Variants in SLC26A1 observed in about 807,000 individuals in gnomAD.
SLC26A1 encodes solute carrier family 26 member 1.
A neutral mutation model predicts 14.5 loss-of-function variants in SLC26A1; 18 were observed. The observed-to-expected ratio is 1.24, with a 90% confidence interval of 0.86 to 1.84. SLC26A1 has a LOEUF of 1.84. SLC26A1 is among the 40% of genes most tolerant of loss of function. The probability of loss-of-function intolerance (pLI) is 0.00; values close to 1 mark genes in which losing one functional copy is unlikely to be tolerated. For missense variants in SLC26A1, 1,049 were observed against 1,020.0 expected, an observed-to-expected ratio of 1.03 and a Z score of -0.39; for synonymous variants, 505 against 492.0, an observed-to-expected ratio of 1.03 and a Z score of -0.35.
In SLC26A1 at chr4:989,615, G is replaced by A; in HGVS notation, c.1324C>T (p.Leu442=). ...AGGCTGACCACGATGACGCAGGCCA[G>A]CACGCTTCGCTGTAGGTCGTGGAAC... ...PLFHDLQRSV[L]ACVIVVSLRG... is the part of the protein sequence containing the mutation. Residue 442 remains leucine, a synonymous_variant, in exon 3 of 3, where the codon CTG becomes TTG. Transcript: ENST00000398516. 6.2e-7 allele frequency: 1 copy of A among 1,601,738 alleles called. No individual in the cohort carries two copies. The highest frequency in any genetic ancestry group is 8.5e-7 in the Non-Finnish European group (1 of 1,175,726).
rs779417668 is a variant in SLC26A1, at chr4:989,633, C to A, written c.1306G>T (p.Asp436Tyr). 2.5e-6 allele frequency: 4 copies of A among 1,597,356 alleles called. No homozygotes were observed. The highest frequency in any genetic ancestry group is 3.4e-6 in the Non-Finnish European group (4 of 1,173,486). ...CAGGCCAGCACGCTTCGCTGTAGGT[C>A]GTGGAACAGCGGTGCCAGCGCCAGC... Reference protein sequence around the residue: ...VLLALAPLFHDLQRSVLACVI... With the variant: ...VLLALAPLFHYLQRSVLACVI... The change falls in exon 3 of 3, where the codon GAC (aspartate) becomes TAC (tyrosine). Residue 436 changes from aspartate to tyrosine, a missense_variant. Physicochemically the swap from Asp to Tyr is radical, Grantham distance 160 (BLOSUM62 -3). Transcript: ENST00000398516.
chr4:979,436 T>A (rs1713472386), exon 3 of SLC26A1: 2 of 1,602,642 alleles, frequency 1.2e-6, no homozygotes, highest in East Asian at 4.5e-5. Flanking sequence ...CTTCCAGAAG[T>A]TCCTGCGAGT....
Position 989,173 on chromosome 4 carries a change from T to C in SLC26A1, c.1766A>G (p.Gln589Arg), listed in dbSNP as rs767912977. Residue 589 changes from glutamine (Q) to arginine (R), a missense_variant, in exon 3 of 3, where the codon CAG (glutamine) becomes CGG (arginine). Physicochemically the swap from Gln to Arg is conservative, Grantham distance 43. Coordinates refer to ENST00000398516, the MANE Select transcript of SLC26A1 (RefSeq NM_022042.4). ...GCTAACCGGGCCCAGGTCCTCGCCC[T>C]GGGCAGGGCCTCCCTCACCGACCCC... ...ETGVGEGGPA[Q>R]GEDLGPVSTR... 2 of 1,607,176 alleles carry C rather than the reference T, an allele frequency of 1.2e-6. No individual in the cohort carries two copies. Among genetic ancestry groups the C allele is most frequent in the Non-Finnish European group, 8.5e-7 (1 of 1,176,198 alleles).
chr4:987,956 G>T lies in SLC26A1; in HGVS notation c.*877C>A. 6.4e-7 allele frequency: 1 copy of T among 1,565,326 alleles called. No individual in the cohort carries two copies. Among genetic ancestry groups the T allele is most frequent in the Non-Finnish European group, 8.7e-7 (1 of 1,155,184 alleles). On this transcript the variant is annotated 3_prime_UTR_variant, in exon 3 of 3. Transcript: ENST00000398516. ...TGGAGCTTGTCACCACCAGGTGGGC[G>T]GCGGGCAGGGTCTGGGCGTCCCAGA...
rs1000704882 is a variant in SLC26A1 at position 988,146 on chromosome 4, G to A, written c.*687C>T. ...AGGGAGCCCCTGCATGGGGCACGGTGGGCTTCCTGCAGGTCTCCCTGCAGG... is the reference window on the plus strand; with the variant it reads ...AGGGAGCCCCTGCATGGGGCACGGTAGGCTTCCTGCAGGTCTCCCTGCAGG... On this transcript the variant is annotated 3_prime_UTR_variant, in exon 3 of 3. Transcript: ENST00000398516. 7 of 1,403,844 alleles carry A rather than the reference G, an allele frequency of 5.0e-6. No homozygotes were observed. The African/African-American group carries it at 8.7e-5, about 17-fold the overall frequency. 87.0% of individuals were successfully genotyped at this position (1,403,844 alleles called of 1,614,324 possible). A position where few individuals can be genotyped will look rare whatever the true frequency, so the allele number is the denominator to read the frequency against.
At chr4:979,261 G>A (rs925504805) in exon 3 of SLC26A1, 1 of 612,498 alleles carries the variant, frequency 1.6e-6, no homozygotes, top group African/African-American at 1.8e-5. Context: ...TCCTCTGCAG[G>A]CTGGCCAGGT....
chr4:989,020 A>G lies in SLC26A1; in HGVS notation c.1919T>C (p.Leu640Pro). 6.3e-7 allele frequency: 1 copy of G among 1,585,284 alleles called. No homozygotes were observed. Among genetic ancestry groups the G allele is most frequent in the Non-Finnish European group, 8.6e-7 (1 of 1,166,592 alleles). Residue 640 changes from leucine (L) to proline (P), a missense_variant, in exon 3 of 3, where the codon CTG becomes CCG. By Grantham distance (98) the Leu-to-Pro change is moderately conservative. Transcript: ENST00000398516. ...GCAGGCTAGCAGCAGGCTGATGCCC[A>G]GGGCCCCGTAGTCTCGGCGCAGGTC... ...LQDLRRDYGA[L>P]GISLLLACCS...
In SLC26A1 at chr4:989,953, G is replaced by T. The variant is rs1269131088; in HGVS notation, c.986C>A (p.Pro329His). The T allele has an allele frequency of 6.4e-7, 1 of 1,556,138 alleles. No individual in the cohort carries two copies. The stretch of plus-strand genomic sequence containing the variant: ...CAGCCTGGGCTCTGGGACCTGAGGG[G>T]GCATGAAACCCGTGGGGATGTCGCC... ...VAGDIPTGFM[P>H]PQVPEPRLMQ... Residue 329 changes from proline to histidine, a missense_variant, in exon 3 of 3, where the codon CCC becomes CAC. By Grantham distance (77) the Pro-to-His change is moderately conservative. Coordinates refer to ENST00000398516, the MANE Select transcript of SLC26A1 (RefSeq NM_022042.4).
Position 988,625 on chromosome 4 carries a change from G to C in SLC26A1, c.*208C>G. Reference sequence around the variant, plus strand: ...TGGGCCAGCCTGTCTCGGAGGCAGAGGTTCTTGATTTCTGAGTGTTTGGGT... The same window carrying C: ...TGGGCCAGCCTGTCTCGGAGGCAGACGTTCTTGATTTCTGAGTGTTTGGGT... On this transcript the variant is annotated 3_prime_UTR_variant, in exon 3 of 3. Coordinates refer to ENST00000398516, the MANE Select transcript of SLC26A1 (RefSeq NM_022042.4). 2.9e-6 allele frequency: 4 copies of C among 1,382,510 alleles called. No individual in the cohort carries two copies. The highest frequency in any genetic ancestry group is 3.7e-6 in the Non-Finnish European group (4 of 1,074,176). 85.6% of individuals were successfully genotyped at this position (1,382,510 alleles called of 1,614,324 possible). A position where few individuals can be genotyped will look rare whatever the true frequency, so the allele number is the denominator to read the frequency against.
downstream of SLC26A1, among the ~76,000 whole-genome samples, chr4:986,371 C>T (rs987874765): frequency 2.0e-4 from 30 of 152,172 alleles, no homozygotes; most frequent in Admixed American, 1.6e-3. Flanking sequence ...TGCTCAAGTA[C>T]TTGATATAAA....
In SLC26A1 at chr4:989,693, T is replaced by C. The variant is rs1212494075; in HGVS notation, c.1246A>G (p.Ser416Gly). ...AGCACCACGGTGGCGCTGACCACGC[T>C]GGACAGCTGTGTCCGGCAGCCAGTG... The part of the protein sequence containing the change: ...TATGCRTQLS[S>G]VVSATVVLLV... Residue 416 changes from serine to glycine, a missense_variant, in exon 3 of 3, where the codon AGC becomes GGC. Ser to Gly is a moderately conservative substitution (Grantham distance 56). Coordinates refer to ENST00000398516, the MANE Select transcript of SLC26A1 (RefSeq NM_022042.4). 1.9e-6 allele frequency: 3 copies of C among 1,562,270 alleles called. No individual in the cohort carries two copies. The highest frequency in any genetic ancestry group is 2.4e-5 in the South Asian group (2 of 85,076).
downstream of SLC26A1, among the ~76,000 whole-genome samples, chr4:985,859 T>C (rs905155269): frequency 1.4e-4 from 22 of 152,240 alleles, no homozygotes; most frequent in African/African-American, 5.3e-4. Context: ...CTAATTATCC[T>C]TCTCCCAACT....
rs1471991118 is a variant in SLC26A1 at position 988,795 on chromosome 4, C to T, written c.*38G>A. 3 of 1,503,510 alleles carry T rather than the reference C, an allele frequency of 2.0e-6. No individual in the cohort carries two copies. The highest frequency in any genetic ancestry group is 1.3e-5 in the South Asian group (1 of 75,680). 93.1% of individuals were successfully genotyped at this position (1,503,510 alleles called of 1,614,324 possible). On this transcript the variant is annotated 3_prime_UTR_variant, in exon 3 of 3. Coordinates refer to ENST00000398516, the MANE Select transcript of SLC26A1 (RefSeq NM_022042.4). ...CTTGCAGACGTCTGCTGTGGGTCCC[C>T]AGGAGGGAGCAGAGGCTGCTGGGCA...
At chr4:985,778 T>C (rs575781910), downstream of SLC26A1, among the ~76,000 whole-genome samples, 1 of 152,334 alleles carries the variant, frequency 6.6e-6, no homozygotes, top group Non-Finnish European at 1.5e-5. Flanking sequence ...AATTTCAACA[T>C]AAGAAGACCT....
At position 990,022 on chromosome 4, in the gene SLC26A1, G is replaced by T. The variant is rs563866785; in HGVS notation, c.917C>A (p.Ser306Ter). Reference sequence around the variant, plus strand: ...GCGCTTGTGGAGCTGCCCGAAGTGCGACACGAGTGTGGCCACCACGATGAC... The same window carrying T: ...GCGCTTGTGGAGCTGCCCGAAGTGCTACACGAGTGTGGCCACCACGATGAC... ...LLVIVVATLV[S>*]HFGQLHKRFG... is the part of the protein sequence containing the mutation. Residue 306 changes from serine (S) to a stop codon, truncating the protein, a stop_gained, in exon 3 of 3, where the codon TCG becomes TAG. Coordinates refer to ENST00000398516, the MANE Select transcript of SLC26A1 (RefSeq NM_022042.4). LOFTEE classifies it low-confidence loss of function (END_TRUNC). The T allele has an allele frequency of 6.3e-7, 1 of 1,589,090 alleles. No individual in the cohort carries two copies. Among genetic ancestry groups the T allele is most frequent in the African/African-American group, 1.3e-5 (1 of 74,670 alleles).
intron 2 of SLC26A1, chr4:979,607 T>G: frequency 1.4e-6 from 2 of 1,439,924 alleles, no homozygotes; most frequent in Non-Finnish European, 1.9e-6. Flanking sequence ...CCACTGCCTC[T>G]CCAGTGCCAG....
chr4:991,431 T>C lies in SLC26A1; in HGVS notation c.273A>G (p.Ser91=), dbSNP rs1714317276. 1 of 1,612,608 alleles carries C rather than the reference T, an allele frequency of 6.2e-7. No individual in the cohort carries two copies. The highest frequency in any genetic ancestry group is 8.5e-7 in the Non-Finnish European group (1 of 1,179,944). ...AGATGGGCTGCAGCCCGGCCAGCAA[T>C]GAGTAGGCGATGGCCTGCGGCACCA... The part of the protein sequence containing the change: ...IILVPQAIAY[S]LLAGLQPIYS... Residue 91 remains serine, a synonymous_variant, in exon 2 of 3, where the codon TCA becomes TCG. Transcript: ENST00000398516.
chr4:983,460 G>A (rs536054685), downstream of SLC26A1, among the ~76,000 whole-genome samples: 155 of 152,348 alleles, frequency 1.0e-3, no homozygotes, highest in Non-Finnish European at 1.7e-3. Flanking sequence ...ATTCCGGGGC[G>A]TTGTGCCCCC....
intron 2 of SLC26A1, chr4:990,720 T>G: frequency 2.5e-6 from 1 of 398,396 alleles, no homozygotes; most frequent in Non-Finnish European, 4.5e-6. Flanking sequence ...CTGCCCCCCA[T>G]GCAGATGTGG....
Sources: allele counts gnomAD v4.1 joint callset (sites outside exome capture counted in the v4.1 genomes callset), GRCh38; gene constraint gnomAD v4.1.1; transcripts MANE v1.5; gene names NCBI Gene and HGNC (gene_info 2026-07-23, HGNC 2026-07-21).